SIL1: variants seen among roughly 807,000 people sequenced by gnomAD.
SIL1 encodes the protein SIL1 nucleotide exchange factor.
A neutral mutation model predicts 49.1 loss-of-function variants in SIL1; 40 were observed. The ratio of observed to expected loss-of-function variants is 0.81; its 90% CI spans 0.63 to 1.06. SIL1 has a LOEUF of 1.06. SIL1 is among the 50% of genes least tolerant of loss of function. The pLI is 0.00. For synonymous variants in SIL1, 253 were observed against 250.8 expected, an observed-to-expected ratio of 1.01 and a Z score of -0.08; for missense variants, 500 against 572.6, an observed-to-expected ratio of 0.87 and a Z score of 1.29.
At chr5:139,169,943 T>A (rs1488193606) in intron 1 of SIL1, among the ~76,000 whole-genome samples, 1 of 151,844 alleles carries the variant, frequency 6.6e-6, no homozygotes, top group African/African-American at 2.4e-5. Flanking sequence ...ACTGCTGCCA[T>A]CTCGGCTCAC....
At chr5:139,104,283 G>A (rs546490276) in intron 3 of SIL1, among the ~76,000 whole-genome samples, 1 of 152,138 alleles carries the variant, frequency 6.6e-6, no homozygotes, top group Non-Finnish European at 1.5e-5. Context: ...ACAATGGGTC[G>A]AGCATGGGTG....
At chr5:138,955,716 A>G (rs7717375) in intron 7 of SIL1, among the ~76,000 whole-genome samples, 63,342 of 152,094 alleles carry the variant, frequency 0.42, 14,139 homozygotes, top group African/African-American at 0.6. Context: ...ATGAAAACGT[A>G]GGGCCTTTTG....
intron 7 of SIL1, among the ~76,000 whole-genome samples, chr5:139,004,063 G>A (rs1768055408): frequency 6.6e-6 from 1 of 152,122 alleles, no homozygotes; most frequent in South Asian, 2.1e-4. Context: ...CTAGTGTCAG[G>A]CCAAGCAACT....
intron 7 of SIL1, among the ~76,000 whole-genome samples, chr5:138,972,528 G>A (rs968164175): frequency 6.6e-6 from 1 of 152,168 alleles, no homozygotes; most frequent in Non-Finnish European, 1.5e-5. Context: ...ATTTACTACA[G>A]CTGTTAAGAG....
chr5:138,979,859 A>G (rs1393134595), intron 7 of SIL1, among the ~76,000 whole-genome samples: 1 of 152,214 alleles, frequency 6.6e-6, no homozygotes, highest in Admixed American at 6.5e-5. Flanking sequence ...GCAGTGTTAG[A>G]TGCAACACTC....
At chr5:139,180,267 G>T (rs970363945) in intron 1 of SIL1, among the ~76,000 whole-genome samples, 9 of 149,828 alleles carry the variant, frequency 6.0e-5, no homozygotes, top group African/African-American at 2.2e-4. Flanking sequence ...TGTAATCCCA[G>T]CTACTTGGGA....
At chr5:139,035,168 C>G (rs1376851474) in intron 5 of SIL1, 2 of 352,896 alleles carry the variant, frequency 5.7e-6, no homozygotes, top group African/African-American at 4.3e-5. Context: ...GGGCATTCCA[C>G]TGCACCACTG....
At chr5:139,120,887 C>T in intron 3 of SIL1, 148 bp downstream of exon 3, 2 of 965,350 alleles carry the variant, frequency 2.1e-6, no homozygotes, top group South Asian at 1.6e-5. Flanking sequence ...CTGAGCCCTG[C>T]AGCAGCAGCT....
At chr5:139,163,798 C>T (rs776997730) in intron 1 of SIL1, among the ~76,000 whole-genome samples, 4 of 152,290 alleles carry the variant, frequency 2.6e-5, no homozygotes, top group Middle Eastern at 3.4e-3. Flanking sequence ...GCAATTATTT[C>T]ATCCTCATCC....
chr5:139,166,376 G>C (rs954715178), intron 1 of SIL1, among the ~76,000 whole-genome samples: 1 of 152,118 alleles, frequency 6.6e-6, no homozygotes, highest in Non-Finnish European at 1.5e-5. Context: ...TATTTTTTAA[G>C]AGGGGCCAGG....
chr5:139,067,668 T>A (rs1248439761), intron 3 of SIL1, among the ~76,000 whole-genome samples: 1 of 152,234 alleles, frequency 6.6e-6, no homozygotes, highest in African/African-American at 2.4e-5. Context: ...TCAAAACACA[T>A]ACATAAACAC....
intron 3 of SIL1, among the ~76,000 whole-genome samples, chr5:139,102,366 A>T (rs1178279859): frequency 1.3e-5 from 2 of 151,848 alleles, no homozygotes; most frequent in East Asian, 3.9e-4. Context: ...CATAATGTTA[A>T]TTTTACATCT....
intron 3 of SIL1, among the ~76,000 whole-genome samples, chr5:139,070,483 A>C (rs191886564): frequency 6.6e-6 from 1 of 152,328 alleles, no homozygotes; most frequent in East Asian, 1.9e-4. Context: ...TGAGCGACCT[A>C]ATGGCCAGAA....
At chr5:139,085,271 C>T (rs11749045) in intron 3 of SIL1, among the ~76,000 whole-genome samples, 64,303 of 151,862 alleles carry the variant, frequency 0.42, 14,450 homozygotes, top group African/African-American at 0.59. Flanking sequence ...TACAGGACCA[C>T]AGTGGAAAGA....
chr5:139,076,504 G>T (rs987951379), intron 3 of SIL1, among the ~76,000 whole-genome samples: 1 of 152,104 alleles, frequency 6.6e-6, no homozygotes. Flanking sequence ...CAAATATATA[G>T]ACCTTGGGAA....
chr5:139,160,143 T>TTACACACA (rs373584010), intron 1 of SIL1, among the ~76,000 whole-genome samples: 5 of 137,866 alleles, frequency 3.6e-5, no homozygotes, highest in African/African-American at 1.4e-4. Flanking sequence ...ATTTCCACAA[T>TTACACACA]CACACACACA....
intron 5 of SIL1, among the ~76,000 whole-genome samples, chr5:139,040,498 C>CTTTTTTTTTTTTTTT (rs11312366): frequency 9.5e-6 from 1 of 105,324 alleles, no homozygotes; most frequent in Non-Finnish European, 1.9e-5. Flanking sequence ...TTTCTTTTTT[C>CTTTTTTTTTTTTTTT]TTTTTTTTTT....
chr5:139,037,209 T>C (rs1260286771), intron 5 of SIL1, among the ~76,000 whole-genome samples: 1 of 151,990 alleles, frequency 6.6e-6, no homozygotes, highest in Non-Finnish European at 1.5e-5. Context: ...TATCGCTCAA[T>C]CATTGTTCCC....
At chr5:139,138,825 T>G (rs1252865245) in intron 1 of SIL1, among the ~76,000 whole-genome samples, 1 of 152,196 alleles carries the variant, frequency 6.6e-6, no homozygotes, top group Non-Finnish European at 1.5e-5. Flanking sequence ...TTCACCCCCA[T>G]ACAGAACTGT....
Sources: gnomAD v4.1 joint callset for allele counts (sites outside exome capture counted in the v4.1 genomes callset) on GRCh38, gnomAD v4.1.1 for gene constraint, MANE v1.5 for transcripts, NCBI Gene and HGNC (gene_info 2026-07-23, HGNC 2026-07-21) for gene names.